Variants in MAPRE2 observed in about 807,000 individuals in gnomAD.
The protein encoded by MAPRE2 is microtubule-associated protein RP/EB family member 2.
Under a neutral mutation model 43.2 loss-of-function variants are expected in MAPRE2, and 13 were observed. The ratio of observed to expected loss-of-function variants is 0.30; its 90% confidence interval spans 0.20 to 0.48. The LOEUF (loss-of-function observed/expected upper bound fraction) is 0.48. MAPRE2 is among the 20% of genes least tolerant of loss of function. The probability of loss-of-function intolerance (pLI) is 0.99; values close to 1 mark genes in which losing one functional copy is unlikely to be tolerated. For missense variants in MAPRE2, 161 were observed against 400.2 expected (o/e 0.40, Z 5.10); for synonymous variants, 135 against 148.8 (o/e 0.91, Z 0.68).
chr18:35,050,123 A>C (rs1158996039), intron 1 of MAPRE2, among the ~76,000 whole-genome samples: 1 of 152,154 alleles, frequency 6.6e-6, no homozygotes, highest in African/African-American at 2.4e-5. Flanking sequence ...AGAACTGGGA[A>C]GATTAATCAC....
intron 1 of MAPRE2, among the ~76,000 whole-genome samples, chr18:34,987,258 T>A (rs2097021484): frequency 6.6e-6 from 1 of 152,250 alleles, no homozygotes. Flanking sequence ...GTCAACAGTA[T>A]GTTCCTAATC....
At chr18:35,104,175 A>T (rs1908799735) in intron 4 of MAPRE2, among the ~76,000 whole-genome samples, 1 of 152,152 alleles carries the variant, frequency 6.6e-6, no homozygotes, top group African/African-American at 2.4e-5. Context: ...ATCAAATAGG[A>T]TGAAGCCTGA....
At chr18:34,995,239 T>G (rs191311659) in intron 1 of MAPRE2, among the ~76,000 whole-genome samples, 268 of 152,326 alleles carry the variant, frequency 1.8e-3, no homozygotes, top group Admixed American at 4.6e-3. Flanking sequence ...ATGGTCCCAG[T>G]ATGGTATACA....
chr18:35,097,702 A>T, intron 3 of MAPRE2, 111 bp downstream of exon 3: 1 of 909,170 alleles, frequency 1.1e-6, no homozygotes, highest in Admixed American at 2.5e-5. Flanking sequence ...ATATCCCAAC[A>T]GTAGGCTGGG....
chr18:35,008,319 T>A (rs2097032785), intron 2 of MAPRE2, among the ~76,000 whole-genome samples: 2 of 152,192 alleles, frequency 1.3e-5, no homozygotes, highest in African/African-American at 4.8e-5. Context: ...TAAGGAAAAG[T>A]TCATGTCGAC....
rs1370161443 is a variant in MAPRE2, at chr18:34,985,272, A to C, written c.-70+8193A>C. On this transcript the variant is annotated intron_variant, in intron 1 of 7. Transcript: ENST00000413393. ...AAATATATAATATAATATATTATAT[A>C]ATATAATATATTATATATTATATTA... Among the ~76,000 whole-genome samples the C allele has an allele frequency of 1.4e-4, 4 of 27,878 alleles. No homozygotes were observed. The East Asian group carries it at 6.3e-3, about 44-fold the overall frequency. 18.3% of individuals were successfully genotyped at this position (27,878 alleles called of 152,430 possible). A position where few individuals can be genotyped will look rare whatever the true frequency, so the allele number is the denominator to read the frequency against.
At chr18:34,981,379 T>TAA (rs536500398) in intron 1 of MAPRE2, among the ~76,000 whole-genome samples, 13 of 139,898 alleles carry the variant, frequency 9.3e-5, no homozygotes, top group Non-Finnish European at 1.4e-4. Flanking sequence ...GATGCCATCT[T>TAA]AAAAAAAAAA....
At chr18:35,048,035 C>A (rs1905724774) in intron 1 of MAPRE2, among the ~76,000 whole-genome samples, 1 of 152,110 alleles carries the variant, frequency 6.6e-6, no homozygotes, top group South Asian at 2.1e-4. Flanking sequence ...GACAACATGG[C>A]AAGAGGTTTA....
intron 5 of MAPRE2, among the ~76,000 whole-genome samples, chr18:35,131,712 G>A (rs575010722): frequency 2.0e-5 from 3 of 152,312 alleles, no homozygotes; most frequent in Non-Finnish European, 4.4e-5. Context: ...GAGGAAAGAT[G>A]TGTTCCAGCC....
At chr18:34,983,295 A>G (rs2097017337) in intron 1 of MAPRE2, among the ~76,000 whole-genome samples, 1 of 152,220 alleles carries the variant, frequency 6.6e-6, no homozygotes, top group East Asian at 1.9e-4. Context: ...ATTTCTAAAT[A>G]TATGAATTTT....
rs116134967 is a variant in MAPRE2, at chr18:35,045,650, G to A, written c.122+3989G>A. ...GTGTGTATAAAAGAGTTGTGAAAGT[G>A]TGTTCCATTCAATAGAGGCTATTGT... On this transcript the variant is annotated intron_variant, in intron 1 of 6. Coordinates refer to ENST00000300249, the MANE Select transcript of MAPRE2 (RefSeq NM_014268.4). 7.3e-3 allele frequency among the ~76,000 whole-genome samples: 1,114 copies of A among 152,256 alleles called. 11 individuals are homozygous for A. Among genetic ancestry groups the A allele is most frequent in the African/African-American group, 0.026 (1,076 of 41,544 alleles).
chr18:35,115,795 A>C (rs1052314901), intron 4 of MAPRE2, among the ~76,000 whole-genome samples: 8 of 152,172 alleles, frequency 5.3e-5, no homozygotes, highest in African/African-American at 1.9e-4. Context: ...GGTTGGTTCC[A>C]TATCTTTGCT....
intron 2 of MAPRE2, among the ~76,000 whole-genome samples, chr18:35,091,384 C>T (rs1908143386): frequency 1.3e-5 from 2 of 151,482 alleles, no homozygotes; most frequent in African/African-American, 2.4e-5. Context: ...TCCTAGATAT[C>T]TCATTATATG....
At chr18:35,013,557 C>G (rs117354451) in intron 2 of MAPRE2, among the ~76,000 whole-genome samples, 162 of 152,172 alleles carry the variant, frequency 1.1e-3, no homozygotes, top group Non-Finnish European at 1.9e-3. Context: ...CTATTTGAAA[C>G]TATATGTTAT....
intron 4 of MAPRE2, among the ~76,000 whole-genome samples, chr18:35,124,295 T>C (rs1037005739): frequency 6.6e-6 from 1 of 152,102 alleles, no homozygotes; most frequent in Non-Finnish European, 1.5e-5. Flanking sequence ...TCAGATCTCA[T>C]GAGAACTCAC....
At chr18:34,997,784 C>G (rs1233800469) in intron 1 of MAPRE2, among the ~76,000 whole-genome samples, 2 of 152,172 alleles carry the variant, frequency 1.3e-5, no homozygotes, top group East Asian at 3.8e-4. Context: ...CCACTGCACT[C>G]CAGGCTGGGC....
intron 6 of MAPRE2, among the ~76,000 whole-genome samples, chr18:35,135,294 C>T (rs1910336306): frequency 6.6e-6 from 1 of 152,168 alleles, no homozygotes. Flanking sequence ...AGGAAGGCTG[C>T]AGTGGGCCTG....
At chr18:35,025,740 T>A (rs1568975484) in intron 2 of MAPRE2, among the ~76,000 whole-genome samples, 2 of 152,210 alleles carry the variant, frequency 1.3e-5, no homozygotes, top group Non-Finnish European at 2.9e-5. Flanking sequence ...CCACTGAACA[T>A]AGTCCAGTGG....
At chr18:35,039,179 C>G (rs1322363940), upstream of MAPRE2, among the ~76,000 whole-genome samples, 2 of 152,254 alleles carry the variant, frequency 1.3e-5, no homozygotes, top group African/African-American at 4.8e-5. Flanking sequence ...AGAACATACT[C>G]TGAGGACATT....
Sources: allele counts gnomAD v4.1 joint callset (sites outside exome capture counted in the v4.1 genomes callset), GRCh38; gene constraint gnomAD v4.1.1; transcripts MANE v1.5; gene names NCBI Gene and HGNC (gene_info 2026-07-23, HGNC 2026-07-21).